Variants in ACSL1 observed in about 807,000 individuals in gnomAD.
The protein encoded by ACSL1 is long-chain-fatty-acid--CoA ligase 1.
Under a neutral mutation model 98.4 loss-of-function variants are expected in ACSL1, and 41 were observed. The ratio of observed to expected loss-of-function variants is 0.42; its 90% CI spans 0.32 to 0.54. ACSL1 has a LOEUF of 0.54. Ranked by LOEUF, ACSL1 falls within the 20% of genes least tolerant of loss-of-function variation. ACSL1 has a pLI of 0.13. For missense variants in ACSL1, 734 were observed against 883.1 expected, an observed-to-expected ratio of 0.83 and a Z score of 2.14; for synonymous variants, 316 against 322.7, an observed-to-expected ratio of 0.98 and a Z score of 0.22.
chr4:184,764,018 G>T (rs1300918606), intron 15 of ACSL1, among the ~76,000 whole-genome samples: 1 of 152,204 alleles, frequency 6.6e-6, no homozygotes, highest in African/African-American at 2.4e-5. Context: ...GGACAATGAT[G>T]TTAGTGGACA....
intron 1 of ACSL1, among the ~76,000 whole-genome samples, chr4:184,818,166 C>A (rs775865873): frequency 5.3e-5 from 8 of 152,120 alleles, no homozygotes; most frequent in Admixed American, 2.0e-4. Flanking sequence ...TTGCCTGAGG[C>A]GCAATGTAGG....
Position 184,774,487 on chromosome 4 carries a change from T to C in ACSL1, c.757-612A>G, listed in dbSNP as rs148131053. Among the ~76,000 whole-genome samples the C allele has an allele frequency of 5.3e-5, 8 of 152,288 alleles. No individual in the cohort carries two copies. The East Asian group carries it at 1.5e-3, about 29-fold the overall frequency. On this transcript the variant is annotated intron_variant, in intron 7 of 20. Transcript: ENST00000281455. ...GCCACAGCAGACCCTCTAAGACTCC[T>C]TCCTGAATGGACTTGAAGGTTAAGA...
chr4:184,820,568 C>A (rs768481822), intron 1 of ACSL1, among the ~76,000 whole-genome samples: 4 of 152,124 alleles, frequency 2.6e-5, no homozygotes, highest in African/African-American at 7.2e-5. Flanking sequence ...CCAGCTCTGT[C>A]CTTCCTGTCT....
chr4:184,761,840 C>T (rs546545256), intron 17 of ACSL1, among the ~76,000 whole-genome samples: 4 of 152,242 alleles, frequency 2.6e-5, no homozygotes, highest in East Asian at 1.9e-4. Flanking sequence ...AGCATCAAAA[C>T]GGGCCAGGCG....
chr4:184,808,649 C>A, intron 1 of ACSL1: 1 of 254,546 alleles, frequency 3.9e-6, no homozygotes, highest in Non-Finnish European at 6.2e-6. Context: ...AACAAGAGAG[C>A]AGCAGCCAGG....
At chr4:184,777,439 C>A (rs1765472135) in intron 5 of ACSL1, among the ~76,000 whole-genome samples, 1 of 140,174 alleles carries the variant, frequency 7.1e-6, no homozygotes, top group African/African-American at 2.7e-5. Flanking sequence ...GCCTGGGTGA[C>A]AGAGTGAGAT....
intron 11 of ACSL1, among the ~76,000 whole-genome samples, chr4:184,769,108 CTTTACA>C (rs1308106944): frequency 2.7e-5 from 4 of 147,994 alleles, no homozygotes; most frequent in Non-Finnish European, 4.5e-5. Context: ...CTTCCAGAAA[CTTTACA>C]TTTAATTTAT....
intron 1 of ACSL1, among the ~76,000 whole-genome samples, chr4:184,811,757 T>A (rs1048866062): frequency 1.3e-5 from 2 of 152,156 alleles, no homozygotes; most frequent in African/African-American, 4.8e-5. Context: ...ACCCTATGAA[T>A]GTACTTCAAA....
chr4:184,765,675 G>T lies in ACSL1; in HGVS notation c.1359+216C>A, dbSNP rs187461161. Among the ~76,000 whole-genome samples the T allele has an allele frequency of 1.0e-3, 158 of 152,242 alleles. 3 individuals are homozygous for T. Among genetic ancestry groups the T allele is most frequent in the African/African-American group, 3.4e-3 (141 of 41,518 alleles). On this transcript the variant is annotated intron_variant, in intron 14 of 20. Transcript: ENST00000281455. The stretch of plus-strand genomic sequence containing the variant: ...TCACCACGTGGGAAAAAAAAGTATG[G>T]GTGGTAAGACACATGTTAATTAGCT...
rs1305443716 is a variant in ACSL1, at chr4:184,803,921, AC to A, written c.-32-376del. On this transcript the variant is annotated intron_variant, in intron 1 of 20. Coordinates refer to ENST00000281455, the MANE Select transcript of ACSL1 (RefSeq NM_001995.5). The surrounding 1 kb of genome is among the most constrained non-coding windows in gnomAD (Gnocchi z 4.8). ...CTCTCGTCCATCCACCTAATCAAAA[AC>A]ACTCGACTCTCATTGTCAAGGCTAA... Among the ~76,000 whole-genome samples, 1 of 152,146 alleles carries A rather than the reference AC, an allele frequency of 6.6e-6. No homozygotes were observed. Among genetic ancestry groups the A allele is most frequent in the Non-Finnish European group, 1.5e-5 (1 of 68,036 alleles).
At chr4:184,801,367 G>T (rs1027341877) in intron 2 of ACSL1, among the ~76,000 whole-genome samples, 1 of 152,184 alleles carries the variant, frequency 6.6e-6, no homozygotes. Flanking sequence ...TGAGATGGGG[G>T]TGCAGAATGA....
chr4:184,807,087 G>A (rs1393463255), intron 1 of ACSL1, among the ~76,000 whole-genome samples: 1 of 152,116 alleles, frequency 6.6e-6, no homozygotes, highest in Admixed American at 6.5e-5. Context: ...AGAAAATCAG[G>A]CACAAGAAAT....
chr4:184,825,364 G>A lies in ACSL1; in HGVS notation c.-33+552C>T. ...ACTCCTCTGGAGTCACCGAGAGAATGTCTGCCTCTGGCAGCGGCCTCTGAG... is the reference window on the plus strand; with the variant it reads ...ACTCCTCTGGAGTCACCGAGAGAATATCTGCCTCTGGCAGCGGCCTCTGAG... On this transcript the variant is annotated intron_variant, in intron 1 of 20. Coordinates refer to ENST00000281455, the MANE Select transcript of ACSL1 (RefSeq NM_001995.5). This position sits in a 1 kb window ranked among gnomAD's most constrained non-coding sequence, Gnocchi z 4.7. The A allele has an allele frequency of 1.9e-6, 1 of 519,328 alleles. No homozygotes were observed. The highest frequency in any genetic ancestry group is 2.5e-6 in the Non-Finnish European group (1 of 404,338). The allele number at this position is 519,328 out of a possible 1,614,324, so 32.2% of individuals were successfully genotyped here.
Position 184,773,163 on chromosome 4 carries a change from C to G in ACSL1, c.842-9G>C. On this transcript the variant is annotated splice_polypyrimidine_tract_variant and intron_variant, in intron 9 of 20. Coordinates refer to ENST00000281455, the MANE Select transcript of ACSL1 (RefSeq NM_001995.5). This position sits in a 1 kb window ranked among gnomAD's most constrained non-coding sequence, Gnocchi z 4.3. ...TGCTCCTTTGGGGTTGCCTGTGGAG[C>G]ACATATGAAGCAGAACAAAGTTAAA... The G allele has an allele frequency of 6.2e-7, 1 of 1,611,704 alleles. No homozygotes were observed. Among genetic ancestry groups the G allele is most frequent in the Non-Finnish European group, 8.5e-7 (1 of 1,177,924 alleles).
At chr4:184,788,486 C>G (rs1464013813) in intron 3 of ACSL1, 131 bp downstream of exon 3, 2 of 749,782 alleles carry the variant, frequency 2.7e-6, no homozygotes, top group South Asian at 2.9e-5. Context: ...GGGAAAGTTA[C>G]AGTGGACACA....
intron 1 of ACSL1, among the ~76,000 whole-genome samples, chr4:184,818,742 T>C (rs900399810): frequency 1.3e-5 from 2 of 152,130 alleles, no homozygotes; most frequent in Non-Finnish European, 2.9e-5. Context: ...GGAAGCCAGA[T>C]ATGCACTCAT....
intron 3 of ACSL1, among the ~76,000 whole-genome samples, chr4:184,786,636 C>T (rs538156129): frequency 3.9e-5 from 6 of 152,106 alleles, no homozygotes; most frequent in South Asian, 2.1e-4. Flanking sequence ...GGGACAAACT[C>T]GCCAAGCTGA....
At chr4:184,778,681 G>A (rs563063568) in intron 5 of ACSL1, among the ~76,000 whole-genome samples, 1 of 152,112 alleles carries the variant, frequency 6.6e-6, no homozygotes, top group Non-Finnish European at 1.5e-5. Flanking sequence ...ACTGTGCTTT[G>A]GCACCCCAAC....
intron 2 of ACSL1, among the ~76,000 whole-genome samples, chr4:184,795,697 A>G (rs1034313164): frequency 6.6e-6 from 1 of 152,208 alleles, no homozygotes; most frequent in Admixed American, 6.5e-5. Context: ...TCAGCCACCT[A>G]AAAGCGTCCC....
Sources: allele counts gnomAD v4.1 joint callset (sites outside exome capture counted in the v4.1 genomes callset), GRCh38; gene constraint gnomAD v4.1.1; non-coding constraint Gnocchi (gnomAD v3.1); transcripts MANE v1.5; gene names NCBI Gene and HGNC (gene_info 2026-07-23, HGNC 2026-07-21).